Variants in SOX30 observed in about 807,000 individuals in gnomAD.
The protein encoded by SOX30 is SRY-box transcription factor 30.
Under a neutral mutation model 58.6 loss-of-function variants are expected in SOX30, and 17 were observed. That is an observed-to-expected ratio of 0.29 (90% CI 0.20 to 0.44). SOX30 has a LOEUF of 0.44. Ranked by LOEUF, SOX30 falls within the 20% of genes least tolerant of loss-of-function variation. The pLI, the probability that SOX30 is intolerant of heterozygous loss-of-function variation, is 1.00. For missense variants in SOX30, 951 were observed against 965.8 expected (o/e 0.98, Z 0.20); for synonymous variants, 421 against 400.2 (o/e 1.05, Z -0.62).
chr5:157,665,058 G>C (rs1484522673), intron 2 of SOX30, among the ~76,000 whole-genome samples: 7 of 152,182 alleles, frequency 4.6e-5, no homozygotes, highest in Non-Finnish European at 8.8e-5. Flanking sequence ...CAAGGATCTA[G>C]AACTAGAAAT....
chr5:157,667,746 A>C, intron 2 of SOX30: 2 of 1,417,400 alleles, frequency 1.4e-6, no homozygotes, highest in Non-Finnish European at 1.8e-6. Context: ...CTCAGAATAC[A>C]TACATACATA....
Position 157,651,888 on chromosome 5 carries a change from T to G in SOX30, c.191A>C (p.Gln64Pro), listed in dbSNP as rs1397242392. The G allele has an allele frequency of 4.5e-6, 7 of 1,544,692 alleles. No homozygotes were observed. In the East Asian group the frequency reaches 1.4e-4, roughly 31 times the overall value. Residue 64 changes from glutamine (Q) to proline (P), a missense_variant, in exon 1 of 5, where the codon CAG becomes CCG. Transcript: ENST00000265007. ...SCGEAVASGL[Q>P]PAVRRLLQVK... The stretch of plus-strand genomic sequence containing the variant: ...CTGCAGCAGCCGCCGCACCGCGGGC[T>G]GTAAGCCGGACGCCACTGCCTCCCC...
chr5:157,638,230 C>A lies in SOX30; in HGVS notation c.1880G>T (p.Ser627Ile). Residue 627 changes from serine (S) to isoleucine (I), a missense_variant and splice_region_variant, in exon 4 of 5, where the codon AGT (serine) becomes ATT (isoleucine). By Grantham distance (142) the Ser-to-Ile change is moderately radical (BLOSUM62 -2). This residue lies in a region of SOX30 where 381 missense variants were observed against 390.0 expected (regional missense o/e 0.98). Transcript: ENST00000265007. ...FLPGPHYFPS[S>I]TCPYSRPPFG... ...AAAAGGAAAAAAAATGTTAATTTAC[C>A]TTGATGGGAAGTAGTGAGGTCCGGG... 1 of 1,505,840 alleles carries A rather than the reference C, an allele frequency of 6.6e-7. No homozygotes were observed. Among genetic ancestry groups the A allele is most frequent in the Non-Finnish European group, 8.9e-7 (1 of 1,127,160 alleles). The allele number at this position is 1,505,840 out of a possible 1,614,324, so 93.3% of individuals were successfully genotyped here.
chr5:157,643,050 T>C (rs984413296), intron 3 of SOX30, among the ~76,000 whole-genome samples: 6 of 151,898 alleles, frequency 4.0e-5, no homozygotes, highest in South Asian at 4.2e-4. Context: ...GGAATATAAA[T>C]AGATCTTAGA....
At chr5:157,632,680 C>T (rs866203658) in intron 4 of SOX30, among the ~76,000 whole-genome samples, 5 of 152,120 alleles carry the variant, frequency 3.3e-5, no homozygotes, top group South Asian at 4.1e-4. Context: ...GTGTGAAACA[C>T]CTTGGGAATT....
Position 157,651,562 on chromosome 5 carries a change from GCCCGGGGCCTTCCAACTTGACCA to G in SOX30, c.494_516del (p.Val165AlafsTer87), listed in dbSNP as rs766500952. The G allele has an allele frequency of 3.1e-6, 5 of 1,613,278 alleles. No homozygotes were observed. The highest frequency in any genetic ancestry group is 3.4e-6 in the Non-Finnish European group (4 of 1,180,014). Reference sequence around the variant, plus strand: ...TCCCCTCGGAAGTAGCCGAGGGCCGGCCCGGGGCCTTCCAACTTGACCACCCTGGAGGCTCTAGGACCGGTTTC... The same window carrying G: ...TCCCCTCGGAAGTAGCCGAGGGCCGGCCCTGGAGGCTCTAGGACCGGTTTC... On this transcript the variant is annotated frameshift_variant, in exon 1 of 5. Coordinates refer to ENST00000265007, the MANE Select transcript of SOX30 (RefSeq NM_178424.2). LOFTEE classifies it high-confidence loss of function.
chr5:157,642,143 C>T (rs1759079257), intron 3 of SOX30, among the ~76,000 whole-genome samples: 2 of 152,014 alleles, frequency 1.3e-5, no homozygotes, highest in Non-Finnish European at 2.9e-5. Context: ...TTGCGAAACC[C>T]CGTCTCTACT....
upstream of SOX30, among the ~76,000 whole-genome samples, chr5:157,653,102 G>A (rs1297012656): frequency 6.6e-6 from 1 of 152,148 alleles, no homozygotes; most frequent in East Asian, 1.9e-4. Context: ...AGCCACATTG[G>A]CCCCATCATC....
At position 157,651,963 on chromosome 5, in the gene SOX30, G is replaced by A. The variant is rs1317813561; in HGVS notation, c.116C>T (p.Ser39Leu). ...FWAAAMEPPP[S>L]SPTLSAAASA... is the part of the protein sequence containing the mutation. Reference sequence around the variant, plus strand: ...GGCTGCCGCGCTCAGTGTGGGAGACGACGGAGGGGGCTCCATGGCTGCTGC... The same window carrying A: ...GGCTGCCGCGCTCAGTGTGGGAGACAACGGAGGGGGCTCCATGGCTGCTGC... The change falls in exon 1 of 5, where the codon TCG becomes TTG. Residue 39 changes from serine to leucine, a missense_variant. This residue lies in a region of SOX30 where 363 missense variants were observed against 294.5 expected (regional missense o/e 1.23). Coordinates refer to ENST00000265007, the MANE Select transcript of SOX30 (RefSeq NM_178424.2). 6.8e-7 allele frequency: 1 copy of A among 1,465,058 alleles called. No individual in the cohort carries two copies. 90.8% of individuals were successfully genotyped at this position (1,465,058 alleles called of 1,614,324 possible). A position where few individuals can be genotyped will look rare whatever the true frequency, so the allele number is the denominator to read the frequency against.
At chr5:157,627,961 T>G (rs1758698677) in intron 4 of SOX30, among the ~76,000 whole-genome samples, 1 of 144,776 alleles carries the variant, frequency 6.9e-6, no homozygotes, top group Admixed American at 7.0e-5. Context: ...GCCACCACAC[T>G]CCAGCCTGGG....
chr5:157,634,063 G>A (rs1758869483), intron 4 of SOX30, among the ~76,000 whole-genome samples: 1 of 152,188 alleles, frequency 6.6e-6, no homozygotes, highest in Non-Finnish European at 1.5e-5. Flanking sequence ...GTTAAGATCT[G>A]AAGGCAGGAA....
chr5:157,657,098 A>G (rs2113855209), upstream of SOX30, among the ~76,000 whole-genome samples: 1 of 152,358 alleles, frequency 6.6e-6, no homozygotes, highest in East Asian at 1.9e-4. Context: ...ATAATGCACT[A>G]ATGCAAGAGT....
In SOX30 at chr5:157,651,099, T is replaced by C; in HGVS notation, c.967+13A>G. 6.6e-7 allele frequency: 1 copy of C among 1,513,978 alleles called. No individual in the cohort carries two copies. The highest frequency in any genetic ancestry group is 1.3e-5 in the South Asian group (1 of 75,562). 93.8% of individuals were successfully genotyped at this position (1,513,978 alleles called of 1,614,324 possible). On this transcript the variant is annotated intron_variant, in intron 1 of 4. Coordinates refer to ENST00000265007, the MANE Select transcript of SOX30 (RefSeq NM_178424.2). Reference sequence around the variant, plus strand: ...CGCAGTTTTGAAAACCCGACTCCCCTGCTGTCTAATACCTGCATCTGAGGG... The same window carrying C: ...CGCAGTTTTGAAAACCCGACTCCCCCGCTGTCTAATACCTGCATCTGAGGG...
At chr5:157,646,232 G>T (rs912828137) in intron 3 of SOX30, among the ~76,000 whole-genome samples, 7 of 152,174 alleles carry the variant, frequency 4.6e-5, no homozygotes, top group Admixed American at 4.6e-4. Flanking sequence ...AGCAGTGAGA[G>T]AATGGTCTCA....
At chr5:157,664,902 C>T (rs966342925) in intron 2 of SOX30, among the ~76,000 whole-genome samples, 2 of 152,114 alleles carry the variant, frequency 1.3e-5, no homozygotes, top group African/African-American at 4.8e-5. Context: ...AATGAGATAC[C>T]GTCTCACACC....
intron 2 of SOX30, among the ~76,000 whole-genome samples, chr5:157,661,095 A>T (rs1462756724): frequency 2.6e-5 from 4 of 151,896 alleles, no homozygotes; most frequent in Non-Finnish European, 5.9e-5. Flanking sequence ...TTTCCTTTGC[A>T]GTTGGTTGTA....
intron 2 of SOX30, among the ~76,000 whole-genome samples, chr5:157,661,211 C>T (rs920536836): frequency 3.3e-5 from 5 of 152,174 alleles, no homozygotes; most frequent in African/African-American, 1.2e-4. Flanking sequence ...GCCTTGCACC[C>T]AGTCTTAGGA....
At chr5:157,631,899 T>C (rs751949130) in intron 4 of SOX30, among the ~76,000 whole-genome samples, 1 of 149,616 alleles carries the variant, frequency 6.7e-6, no homozygotes, top group Non-Finnish European at 1.5e-5. Flanking sequence ...GAATATTAGC[T>C]GGGCATGGTG....
In SOX30 at chr5:157,627,415, T is replaced by A. The variant is rs531132058; in HGVS notation, c.1881-694A>T. On this transcript the variant is annotated intron_variant, in intron 4 of 4. Transcript: ENST00000265007. ...CACAGAATTGACACTTAGTAAACAA[T>A]GCAATAGTGCAATAGTTGTTTTTAG... Among the ~76,000 whole-genome samples the A allele has an allele frequency of 7.2e-5, 11 of 152,110 alleles. No homozygotes were observed. The South Asian group carries it at 8.3e-4, about 11-fold the overall frequency.
Sources: allele counts gnomAD v4.1 joint callset (sites outside exome capture counted in the v4.1 genomes callset), GRCh38; gene constraint gnomAD v4.1.1; regional missense constraint gnomAD v4.1.1; transcripts MANE v1.5; gene names NCBI Gene and HGNC (gene_info 2026-07-23, HGNC 2026-07-21).